ADAMTS14: variants seen among roughly 807,000 people sequenced by gnomAD.
ADAMTS14 encodes A disintegrin and metalloproteinase with thrombospondin motifs 14.
Under a neutral mutation model 128.6 loss-of-function variants are expected in ADAMTS14, and 100 were observed. The observed-to-expected ratio is 0.78, with a 90% CI of 0.66 to 0.92. The LOEUF is 0.92. ADAMTS14 is among the 40% of genes least tolerant of loss of function. The pLI, the probability that ADAMTS14 is intolerant of heterozygous loss-of-function variation, is 0.00. For synonymous variants in ADAMTS14, 665 were observed against 653.8 expected (o/e 1.02, Z -0.26); for missense variants, 1,562 against 1,658.6 (o/e 0.94, Z 1.01).
chr10:70,688,874 GGAGGGGGAGGGGGAGGGGGAGGGA>G lies in ADAMTS14; in HGVS notation c.523-13432_523-13409del, dbSNP rs1564521585. 5.5e-3 allele frequency among the ~76,000 whole-genome samples: 33 copies of G among 6,018 alleles called. 1 individual carries two copies. Among genetic ancestry groups the G allele is most frequent in the African/African-American group, 9.6e-3 (11 of 1,140 alleles). The allele number at this position is 6,018 out of a possible 152,430, so 3.9% of individuals were successfully genotyped here. ...GGGAGGGGGAGGGGGAGGGGGAGGGGGAGGGGGAGGGGGAGGGGGAGGGAGAGGGAGAGCCTTTGCTTTTAAGCC... is the reference window on the plus strand; with the variant it reads ...GGGAGGGGGAGGGGGAGGGGGAGGGGGAGGGAGAGCCTTTGCTTTTAAGCC... On this transcript the variant is annotated intron_variant, in intron 2 of 21. Coordinates refer to ENST00000373207, the MANE Select transcript of ADAMTS14 (RefSeq NM_080722.4).
chr10:70,690,222 G>A (rs1240799916), intron 2 of ADAMTS14, among the ~76,000 whole-genome samples: 2 of 144,460 alleles, frequency 1.4e-5, no homozygotes, highest in African/African-American at 2.5e-5. Context: ...GCTGCAGTGT[G>A]GGCATTTGTG....
intron 2 of ADAMTS14, among the ~76,000 whole-genome samples, chr10:70,688,693 C>T (rs1164708421): frequency 4.5e-4 from 50 of 112,292 alleles, no homozygotes; most frequent in South Asian, 4.4e-3. Flanking sequence ...CAGCGAAACC[C>T]CGTCTCCACC....
chr10:70,733,791 G>A (rs775362246), intron 7 of ADAMTS14, 94 bp from the exon 8 acceptor site: 7 of 1,496,218 alleles, frequency 4.7e-6, no homozygotes, highest in Non-Finnish European at 5.4e-6. Context: ...TCCGGGTCAG[G>A]TCAGGGTCTC....
chr10:70,708,817 G>A, intron 4 of ADAMTS14, 39 bp downstream of exon 4: 2 of 1,349,868 alleles, frequency 1.5e-6, no homozygotes, highest in South Asian at 1.6e-5. Context: ...GGGGAGTGGG[G>A]TGGGGTGGGC....
chr10:70,672,968 G>C (rs1839527733), intron 1 of ADAMTS14, 84 bp downstream of exon 1: 12 of 1,353,130 alleles, frequency 8.9e-6, no homozygotes, highest in Non-Finnish European at 1.1e-5. Flanking sequence ...CAGCCACCCG[G>C]GCAGGGTTCC....
intron 14 of ADAMTS14, among the ~76,000 whole-genome samples, chr10:70,744,538 A>G (rs973714758): frequency 5.3e-5 from 8 of 152,194 alleles, no homozygotes; most frequent in Admixed American, 2.6e-4. Flanking sequence ...GACTGGACTG[A>G]TAATTTTCTT....
At chr10:70,678,481 G>T (rs1368977492) in intron 2 of ADAMTS14, among the ~76,000 whole-genome samples, 7 of 152,100 alleles carry the variant, frequency 4.6e-5, no homozygotes, top group Non-Finnish European at 1.0e-4. Flanking sequence ...CTGGGGTCAG[G>T]GGGTGGGGAG....
intron 15 of ADAMTS14, among the ~76,000 whole-genome samples, chr10:70,746,639 C>A (rs1564554942): frequency 6.6e-6 from 1 of 152,174 alleles, no homozygotes; most frequent in Non-Finnish European, 1.5e-5. Context: ...GAAATCCCAT[C>A]TCTACAAAAA....
At chr10:70,697,801 AT>A in intron 2 of ADAMTS14, among the ~76,000 whole-genome samples, 1 of 152,330 alleles carries the variant, frequency 6.6e-6, no homozygotes, top group African/African-American at 2.4e-5. Flanking sequence ...AGGGGAACCC[AT>A]ACTGGAAAAC....
chr10:70,706,683 T>G (rs967482119), intron 3 of ADAMTS14, among the ~76,000 whole-genome samples: 1 of 152,244 alleles, frequency 6.6e-6, no homozygotes, highest in Non-Finnish European at 1.5e-5. Flanking sequence ...CAGAGGGCTT[T>G]CCCTGCCAGG....
chr10:70,678,728 G>A (rs868789179), intron 2 of ADAMTS14, among the ~76,000 whole-genome samples: 9 of 152,272 alleles, frequency 5.9e-5, no homozygotes, highest in Middle Eastern at 3.4e-3. Flanking sequence ...GTGACTCTGA[G>A]CAAGCTGGCC....
intron 16 of ADAMTS14, among the ~76,000 whole-genome samples, chr10:70,750,695 T>G (rs182691108): frequency 3.3e-5 from 5 of 152,324 alleles, no homozygotes; most frequent in Admixed American, 6.5e-5. Flanking sequence ...TGACAACCCA[T>G]ACATCTATGG....
chr10:70,711,252 A>C (rs958228020), intron 4 of ADAMTS14, among the ~76,000 whole-genome samples: 1 of 152,220 alleles, frequency 6.6e-6, no homozygotes, highest in South Asian at 2.1e-4. Context: ...TGACAACACA[A>C]CGCTGACTCC....
intron 6 of ADAMTS14, among the ~76,000 whole-genome samples, chr10:70,730,913 A>G (rs756907053): frequency 6.6e-6 from 1 of 152,152 alleles, no homozygotes; most frequent in Non-Finnish European, 1.5e-5. Context: ...AGCAGACAGG[A>G]GGCAGATGTG....
At chr10:70,682,169 G>A (rs1167733103) in intron 2 of ADAMTS14, among the ~76,000 whole-genome samples, 1 of 152,244 alleles carries the variant, frequency 6.6e-6, no homozygotes, top group South Asian at 2.1e-4. Context: ...GGAGGGGCAG[G>A]AGGTGGAAAT....
In ADAMTS14 at chr10:70,749,808, C is replaced by A; in HGVS notation, c.2264-14C>A. 6.2e-7 allele frequency: 1 copy of A among 1,612,754 alleles called. No homozygotes were observed. The highest frequency in any genetic ancestry group is 8.5e-7 in the Non-Finnish European group (1 of 1,179,254). ...GAGCAGAAATCTGTGTGACCCTCTC[C>A]CCCCACCGGTCAGTGGTGAAGAACC... is the stretch of plus-strand genomic sequence containing the variant. On this transcript the variant is annotated splice_polypyrimidine_tract_variant and intron_variant, in intron 15 of 21. Coordinates refer to ENST00000373207, the MANE Select transcript of ADAMTS14 (RefSeq NM_080722.4).
intron 4 of ADAMTS14, among the ~76,000 whole-genome samples, chr10:70,712,204 G>A (rs1448651466): frequency 6.6e-6 from 1 of 152,094 alleles, no homozygotes; most frequent in Non-Finnish European, 1.5e-5. Context: ...CACGCTGAGA[G>A]CCAGGTTTGG....
At chr10:70,693,284 C>T (rs1447669449) in intron 2 of ADAMTS14, among the ~76,000 whole-genome samples, 5 of 152,298 alleles carry the variant, frequency 3.3e-5, no homozygotes, top group Admixed American at 6.5e-5. Flanking sequence ...GGATAAACAT[C>T]CAAACTCTAT....
rs762919329 is a variant in ADAMTS14, at chr10:70,743,640, T to A, written c.2017T>A (p.Tyr673Asn). ...GGTTCACGATGGGACACGCTGCAGCTACCGGGACCCATACAGCGTCTGTGC... is the reference window on the plus strand; with the variant it reads ...GGTTCACGATGGGACACGCTGCAGCAACCGGGACCCATACAGCGTCTGTGC... ...QVVHDGTRCSYRDPYSVCARG... is the reference protein window; with the variant it reads ...QVVHDGTRCSNRDPYSVCARG... Residue 673 changes from tyrosine (Y) to asparagine (N), a missense_variant, in exon 13 of 22, where the codon TAC (tyrosine) becomes AAC (asparagine). Physicochemically the swap from Tyr to Asn is moderately radical, Grantham distance 143. Coordinates refer to ENST00000373207, the MANE Select transcript of ADAMTS14 (RefSeq NM_080722.4). 2 of 1,610,904 alleles carry A rather than the reference T, an allele frequency of 1.2e-6. No homozygotes were observed. The highest frequency in any genetic ancestry group is 4.5e-5 in the East Asian group (2 of 44,666).
Sources: allele counts gnomAD v4.1 joint callset (sites outside exome capture counted in the v4.1 genomes callset), GRCh38; gene constraint gnomAD v4.1.1; transcripts MANE v1.5; gene names NCBI Gene and HGNC (gene_info 2026-07-23, HGNC 2026-07-21).